Variants in TPO observed in about 807,000 individuals in gnomAD.
TPO encodes thyroid microsomal antigen.
In TPO, 78 loss-of-function variants were observed where a neutral mutation model predicts 96.9. That is an observed-to-expected ratio of 0.81 (90% CI 0.67 to 0.97). The LOEUF (loss-of-function observed/expected upper bound fraction) is 0.97. Among genes scored for constraint, TPO ranks in the 50% least tolerant of loss-of-function variants. TPO has a pLI of 0.00. For synonymous variants in TPO, 547 were observed against 538.0 expected (o/e 1.02, Z -0.23); for missense variants, 1,252 against 1,274.8 (o/e 0.98, Z 0.27).
intron 2 of TPO, among the ~76,000 whole-genome samples, chr2:1,419,339 A>G (rs1243175863): frequency 6.6e-6 from 1 of 152,072 alleles, no homozygotes; most frequent in Admixed American, 6.6e-5. Flanking sequence ...GATTGCTGGG[A>G]ACTGAGGAAG....
Position 1,542,411 on chromosome 2 carries a change from ATTTTTGCAGGAGAG to A in TPO, c.2749-8_2754del. 6.2e-7 allele frequency: 1 copy of A among 1,614,106 alleles called. No individual in the cohort carries two copies. The highest frequency in any genetic ancestry group is 1.1e-5 in the South Asian group (1 of 91,054). On this transcript the variant is annotated splice_acceptor_variant and splice_polypyrimidine_tract_variant and coding_sequence_variant and intron_variant, in exon 17 of 17. Transcript: ENST00000329066. LOFTEE classifies it high-confidence loss of function. ...CAGACGTTATTAATGTTTGTTCTGCATTTTTGCAGGAGAGTGCTGGGATGGAAGGCCGGGATACT... is the reference window on the plus strand; with the variant it reads ...CAGACGTTATTAATGTTTGTTCTGCATGCTGGGATGGAAGGCCGGGATACT...
At chr2:1,504,789 G>A (rs962943870) in intron 14 of TPO, among the ~76,000 whole-genome samples, 3 of 152,196 alleles carry the variant, frequency 2.0e-5, no homozygotes, top group Admixed American at 1.3e-4. Context: ...CAGCCACTCC[G>A]TAGCTGGCCG....
chr2:1,414,780 G>C (rs1412330913), intron 2 of TPO, among the ~76,000 whole-genome samples: 2 of 152,030 alleles, frequency 1.3e-5, no homozygotes, highest in African/African-American at 4.8e-5. Context: ...CTTTGGGAGT[G>C]TTTTTCTTCC....
chr2:1,494,746 T>TC (rs1176040319), intron 11 of TPO, among the ~76,000 whole-genome samples: 2 of 152,174 alleles, frequency 1.3e-5, no homozygotes, highest in African/African-American at 4.8e-5. Flanking sequence ...TTTAAATACA[T>TC]CCCTACCTAT....
At chr2:1,493,209 T>TGG (rs3036079) in intron 10 of TPO, among the ~76,000 whole-genome samples, 1,617 of 17,388 alleles carry the variant, frequency 0.093, 58 homozygotes, top group Non-Finnish European at 0.13. Flanking sequence ...TGTGAGTGGG[T>TGG]GGGGGGGGGG....
chr2:1,510,389 G>T (rs1284315065), intron 14 of TPO, among the ~76,000 whole-genome samples: 1 of 152,128 alleles, frequency 6.6e-6, no homozygotes, highest in African/African-American at 2.4e-5. Context: ...CTGTATTTTT[G>T]ATAATATCTA....
In TPO at chr2:1,476,992, G is replaced by A. The variant is rs1160548144; in HGVS notation, c.820-94G>A. The A allele has an allele frequency of 4.1e-6, 6 of 1,455,012 alleles. No individual in the cohort carries two copies. In the East Asian group the frequency reaches 7.3e-5, roughly 18 times the overall value. 90.1% of individuals were successfully genotyped at this position (1,455,012 alleles called of 1,614,324 possible). ...GGACTGGAGGGGCAGAGAAACGTGC[G>A]GCGCTGCGGGGTCGTCGCCGGCCTC... On this transcript the variant is annotated intron_variant, in intron 7 of 16. Coordinates refer to ENST00000329066, the MANE Select transcript of TPO (RefSeq NM_001206744.2).
intron 15 of TPO, among the ~76,000 whole-genome samples, chr2:1,537,303 C>T (rs1232210394): frequency 4.9e-5 from 6 of 122,224 alleles, no homozygotes; most frequent in Admixed American, 9.0e-5. Context: ...CCCTCTGCAA[C>T]GTCCCCAAAC....
At chr2:1,527,908 T>TC (rs1238531277) in intron 15 of TPO, among the ~76,000 whole-genome samples, 35 of 28,624 alleles carry the variant, frequency 1.2e-3, no homozygotes, top group African/African-American at 3.4e-3. Flanking sequence ...CCTCCTCAAA[T>TC]CCCCCCAATG....
intron 11 of TPO, 134 bp downstream of exon 11, chr2:1,494,173 T>G: frequency 2.1e-6 from 2 of 934,506 alleles, no homozygotes; most frequent in East Asian, 4.9e-5. Flanking sequence ...CTGGTCAGGT[T>G]GTTTCTCCCA....
Position 1,543,217 on chromosome 2 carries a change from G to A in TPO, c.*743G>A, listed in dbSNP as rs1680926051. The A allele has an allele frequency of 6.6e-6, 1 of 152,528 alleles. No individual in the cohort carries two copies. Among genetic ancestry groups the A allele is most frequent in the African/African-American group, 2.4e-5 (1 of 41,442 alleles). The allele number at this position is 152,528 out of a possible 1,614,324, so 9.4% of individuals were successfully genotyped here. A position where few individuals can be genotyped will look rare whatever the true frequency, so the allele number is the denominator to read the frequency against. The stretch of plus-strand genomic sequence containing the variant: ...ACCGTTAGCCACGCGACCCTGTAAA[G>A]CTGCCGTCCTCATTTCACATGTGAA... On this transcript the variant is annotated 3_prime_UTR_variant, in exon 17 of 17. Transcript: ENST00000329066.
intron 1 of TPO, among the ~76,000 whole-genome samples, chr2:1,389,292 T>G (rs557975267): frequency 1.3e-5 from 2 of 152,280 alleles, no homozygotes; most frequent in African/African-American, 4.8e-5. Flanking sequence ...TCTAGTGAGA[T>G]CTGGTGTCCG....
chr2:1,542,593 A>ATCTAGTACCATGT lies in TPO; in HGVS notation c.*120_*132dup, dbSNP rs768545201. 36 of 1,559,588 alleles carry ATCTAGTACCATGT rather than the reference A, an allele frequency of 2.3e-5. No individual in the cohort carries two copies. The highest frequency in any genetic ancestry group is 3.1e-5 in the Non-Finnish European group (36 of 1,150,942). ...ACGACTGTTTTCCCAACACGGGTAA[A>ATCTAGTACCATGT]TCTAGTACCATGTCGTAGTTACTCT... On this transcript the variant is annotated 3_prime_UTR_variant, in exon 17 of 17. Transcript: ENST00000329066.
At chr2:1,412,240 T>C (rs954268835), upstream of TPO, among the ~76,000 whole-genome samples, 4 of 152,186 alleles carry the variant, frequency 2.6e-5, no homozygotes, top group African/African-American at 9.6e-5. Context: ...GTACATGAGA[T>C]TTTCACTTGC....
chr2:1,494,352 C>A (rs1672110220), intron 11 of TPO, among the ~76,000 whole-genome samples: 1 of 152,256 alleles, frequency 6.6e-6, no homozygotes, highest in Admixed American at 6.5e-5. Flanking sequence ...CCGGAGACTG[C>A]ATCCCATCCC....
At chr2:1,461,250 C>G (rs938241366) in intron 7 of TPO, among the ~76,000 whole-genome samples, 1 of 152,120 alleles carries the variant, frequency 6.6e-6, no homozygotes. Context: ...ACACCCGCCC[C>G]CAGAGGCTCC....
rs1558385816 is a variant in TPO at position 1,511,311 on chromosome 2, AGC to A, written c.2519-5569_2519-5568del. Reference sequence around the variant, plus strand: ...CAGCCCTGCAGACTGGGGGTGCCACAGCGCAGCCCTGCAGACTGGGGGTGCCA... The same window carrying A: ...CAGCCCTGCAGACTGGGGGTGCCACAGCAGCCCTGCAGACTGGGGGTGCCA... On this transcript the variant is annotated intron_variant, in intron 14 of 16. Coordinates refer to ENST00000329066, the MANE Select transcript of TPO (RefSeq NM_001206744.2). Among the ~76,000 whole-genome samples the A allele has an allele frequency of 6.4e-4, 23 of 36,036 alleles. 6 individuals carry two copies. Among genetic ancestry groups the A allele is most frequent in the East Asian group, 2.1e-3 (3 of 1,452 alleles). The allele number at this position is 36,036 out of a possible 152,430, so 23.6% of individuals were successfully genotyped here.
intron 1 of TPO, among the ~76,000 whole-genome samples, chr2:1,399,555 G>T (rs1351048457): frequency 6.6e-6 from 1 of 152,236 alleles, no homozygotes; most frequent in Non-Finnish European, 1.5e-5. Flanking sequence ...TAAAACCGAT[G>T]AGTTGTTTAT....
At chr2:1,437,817 C>A (rs892307107) in intron 5 of TPO, among the ~76,000 whole-genome samples, 19 of 136,284 alleles carry the variant, frequency 1.4e-4, no homozygotes, top group African/African-American at 4.6e-4. Flanking sequence ...TGCTGTCCAC[C>A]CCTCCTGCCC....
Sources: allele counts gnomAD v4.1 joint callset (sites outside exome capture counted in the v4.1 genomes callset), GRCh38; gene constraint gnomAD v4.1.1; transcripts MANE v1.5; gene names NCBI Gene and HGNC (gene_info 2026-07-23, HGNC 2026-07-21).